The following GRIP1 variants were observed in gnomAD, a reference collection of about 807,000 sequenced individuals.
The protein encoded by GRIP1 is glutamate receptor interacting protein 1.
In GRIP1, 45 loss-of-function variants were observed where a neutral mutation model predicts 129.9. The observed-to-expected ratio is 0.35, with a 90% CI of 0.27 to 0.44. The LOEUF (loss-of-function observed/expected upper bound fraction) is 0.44. GRIP1 is among the 20% of genes least tolerant of loss of function. The pLI is 1.00. For synonymous variants in GRIP1, 530 were observed against 520.8 expected (o/e 1.02, Z -0.24); for missense variants, 1,196 against 1,396.8 (o/e 0.86, Z 2.29).
chr12:66,785,313 TACATACATAC>T (rs2038290149), intron 1 of GRIP1, among the ~76,000 whole-genome samples: 4 of 49,120 alleles, frequency 8.1e-5, no homozygotes, highest in African/African-American at 2.6e-4. Flanking sequence ...TTAACATACA[TACATACATAC>T]ATACATACAT....
chr12:66,458,467 C>T (rs1160465431), intron 9 of GRIP1, among the ~76,000 whole-genome samples: 1 of 152,208 alleles, frequency 6.6e-6, no homozygotes, highest in Non-Finnish European at 1.5e-5. Flanking sequence ...TCACTGCAAA[C>T]TCTGCCTCTC....
chr12:66,367,737 G>C (rs1442267977), intron 23 of GRIP1, among the ~76,000 whole-genome samples: 1 of 152,228 alleles, frequency 6.6e-6, no homozygotes, highest in African/African-American at 2.4e-5. Flanking sequence ...GTAGTGAATT[G>C]TGAGGTACAA....
chr12:66,351,085 C>T (rs1298268321), intron 24 of GRIP1, among the ~76,000 whole-genome samples: 2 of 152,102 alleles, frequency 1.3e-5, no homozygotes, highest in African/African-American at 4.8e-5. Context: ...ACTAAGTGTC[C>T]CCAAACTCCT....
chr12:66,408,917 G>A (rs2057292147), intron 15 of GRIP1, among the ~76,000 whole-genome samples: 1 of 152,116 alleles, frequency 6.6e-6, no homozygotes, highest in Non-Finnish European at 1.5e-5. Context: ...CTGGAGCAGT[G>A]GTGGCCAGGG....
upstream of GRIP1, among the ~76,000 whole-genome samples, chr12:66,682,088 A>G (rs1005049285): frequency 6.6e-6 from 1 of 152,148 alleles, no homozygotes; most frequent in Non-Finnish European, 1.5e-5. Context: ...CCCCTGGCTA[A>G]TCATTCTTTC....
chr12:66,576,627 C>A (rs1391258537), intron 2 of GRIP1, among the ~76,000 whole-genome samples: 1 of 152,228 alleles, frequency 6.6e-6, no homozygotes, highest in Non-Finnish European at 1.5e-5. Context: ...GCCTTAATTT[C>A]TTCCTCCACA....
intron 16 of GRIP1, among the ~76,000 whole-genome samples, chr12:66,399,783 G>T (rs755890602): frequency 2.2e-4 from 34 of 152,062 alleles, no homozygotes; most frequent in Non-Finnish European, 4.1e-4. Flanking sequence ...TTGGGAGAGA[G>T]CCTTTGGAAG....
intron 7 of GRIP1, among the ~76,000 whole-genome samples, chr12:66,506,942 C>G (rs1413689357): frequency 6.6e-6 from 1 of 151,668 alleles, no homozygotes; most frequent in Non-Finnish European, 1.5e-5. Context: ...AGAAAAATAA[C>G]ATTCTAAGTA....
rs140380815 is a variant in GRIP1 at position 66,980,484 on chromosome 12, G to A, written c.58+88566C>T. ...AAATTAGCTGGGCGTGGTGGCACAC[G>A]TCTGTAGTCCCAGCTACTTGGGAGG... is the stretch of plus-strand genomic sequence containing the variant. On this transcript the variant is annotated intron_variant, in intron 1 of 1. Transcript: ENST00000643019. Among the ~76,000 whole-genome samples, 24 of 152,188 alleles carry A rather than the reference G, an allele frequency of 1.6e-4. No homozygotes were observed. In the East Asian group the frequency reaches 3.5e-3, roughly 22 times the overall value.
chr12:66,588,780 C>A (rs139731428), intron 2 of GRIP1, among the ~76,000 whole-genome samples: 1 of 151,684 alleles, frequency 6.6e-6, no homozygotes, highest in African/African-American at 2.4e-5. Context: ...ACCAGCCTGG[C>A]CAACATAATG....
rs77308278 is a variant in GRIP1, at chr12:66,740,651, C to T, written c.-420+63402G>A. Among the ~76,000 whole-genome samples the T allele has an allele frequency of 6.6e-3, 1,003 of 152,300 alleles. 8 individuals are homozygous for T. The highest frequency in any genetic ancestry group is 0.011 in the Non-Finnish European group (729 of 68,020). The stretch of plus-strand genomic sequence containing the variant: ...AATGAAGACTGTATTTAGAATCAAA[C>T]TTACATCTATAAGAGCAGTTAATAT... On this transcript the variant is annotated intron_variant, in intron 1 of 4. Coordinates refer to the GRIP1 transcript ENST00000538373.
intron 1 of GRIP1, among the ~76,000 whole-genome samples, chr12:66,981,136 C>A (rs985187864): frequency 2.0e-5 from 3 of 152,228 alleles, no homozygotes; most frequent in African/African-American, 7.2e-5. Flanking sequence ...CAGCAAGTCT[C>A]TTTCAAGAGC....
At chr12:66,470,512 G>A (rs191107717) in intron 7 of GRIP1, among the ~76,000 whole-genome samples, 7 of 151,470 alleles carry the variant, frequency 4.6e-5, no homozygotes, top group African/African-American at 9.7e-5. Context: ...TGCAAACTAT[G>A]TCAACCTACC....
At chr12:66,875,889 A>C (rs1335437653) in intron 1 of GRIP1, among the ~76,000 whole-genome samples, 1 of 152,094 alleles carries the variant, frequency 6.6e-6, no homozygotes, top group Non-Finnish European at 1.5e-5. Context: ...AAAGCAGCTA[A>C]ATTCTGGGAA....
In GRIP1 at chr12:66,589,415, T is replaced by G. The variant is rs560371598; in HGVS notation, c.136+7432A>C. ...CACTGTCATTCAAATGACATGTTTC[T>G]GCACTACAAATCAACAACTACTTAC... On this transcript the variant is annotated intron_variant, in intron 2 of 24. Transcript: ENST00000359742. Among the ~76,000 whole-genome samples the G allele has an allele frequency of 1.6e-3, 246 of 152,344 alleles. 1 individual carries two copies. The Middle Eastern group carries it at 0.017, about 11-fold the overall frequency.
intron 13 of GRIP1, among the ~76,000 whole-genome samples, chr12:66,433,963 C>T (rs1406292401): frequency 6.6e-6 from 1 of 152,148 alleles, no homozygotes; most frequent in African/African-American, 2.4e-5. Flanking sequence ...ACATTTGAGT[C>T]TGTGCAAAGT....
chr12:66,816,700 C>G (rs2039224600), intron 1 of GRIP1, among the ~76,000 whole-genome samples: 1 of 152,082 alleles, frequency 6.6e-6, no homozygotes, highest in Non-Finnish European at 1.5e-5. Context: ...TTAGAATTTT[C>G]AGATGACTAA....
At chr12:66,365,941 G>C (rs1262215034) in intron 23 of GRIP1, among the ~76,000 whole-genome samples, 4 of 152,212 alleles carry the variant, frequency 2.6e-5, no homozygotes, top group Non-Finnish European at 5.9e-5. Context: ...TTTGGTAAGT[G>C]AGGAAACTGT....
chr12:66,565,556 G>A (rs1359057752), intron 2 of GRIP1, among the ~76,000 whole-genome samples: 10 of 152,126 alleles, frequency 6.6e-5, no homozygotes, highest in African/African-American at 1.7e-4. Flanking sequence ...GTCAGGTAGC[G>A]TGATGCCTCC....
Sources: gnomAD v4.1 joint callset for allele counts (sites outside exome capture counted in the v4.1 genomes callset) on GRCh38, gnomAD v4.1.1 for gene constraint, MANE v1.5 for transcripts, NCBI Gene and HGNC (gene_info 2026-07-23, HGNC 2026-07-21) for gene names.